The following RETREG3 variants were observed in gnomAD, a reference collection of about 807,000 sequenced individuals.
RETREG3 encodes reticulophagy regulator 3.
A neutral mutation model predicts 50.2 loss-of-function variants in RETREG3; 23 were observed. The ratio of observed to expected loss-of-function variants is 0.46; its 90% CI spans 0.33 to 0.65. The LOEUF (loss-of-function observed/expected upper bound fraction) is 0.65. Among genes scored for constraint, RETREG3 ranks in the 30% least tolerant of loss-of-function variants. The probability of loss-of-function intolerance (pLI) is 0.02; values close to 1 mark genes in which losing one functional copy is unlikely to be tolerated. For synonymous variants in RETREG3, 240 were observed against 234.4 expected (o/e 1.02, Z -0.22); for missense variants, 546 against 598.0 (o/e 0.91, Z 0.91).
At chr17:42,590,563 T>G (rs533217935) in intron 2 of RETREG3, among the ~76,000 whole-genome samples, 1 of 151,908 alleles carries the variant, frequency 6.6e-6, no homozygotes, top group Non-Finnish European at 1.5e-5. Flanking sequence ...TCCCAGCTGC[T>G]CAGGTGGCTA....
chr17:42,602,943 G>A (rs977850448), intron 1 of RETREG3, among the ~76,000 whole-genome samples: 3 of 150,750 alleles, frequency 2.0e-5, no homozygotes, highest in African/African-American at 2.4e-5. Flanking sequence ...CCTGTCCCCC[G>A]CCAAAAAAAA....
intron 1 of RETREG3, among the ~76,000 whole-genome samples, chr17:42,593,923 G>A (rs1024978556): frequency 1.3e-5 from 2 of 152,166 alleles, no homozygotes; most frequent in African/African-American, 2.4e-5. Context: ...AGGTGTGGTG[G>A]CTCATGCCTG....
intron 3 of RETREG3, 45 bp from the exon 4 acceptor site, chr17:42,586,936 G>A: frequency 6.2e-7 from 1 of 1,605,530 alleles, no homozygotes; most frequent in Non-Finnish European, 8.5e-7. Flanking sequence ...GGTGTTGAGG[G>A]TCCCCCCATC....
intron 2 of RETREG3, among the ~76,000 whole-genome samples, chr17:42,589,626 G>T (rs1160769730): frequency 2.0e-5 from 3 of 152,074 alleles, no homozygotes; most frequent in Non-Finnish European, 4.4e-5. Flanking sequence ...TAGAGACAAG[G>T]TTTCGCCACG....
intron 6 of RETREG3, among the ~76,000 whole-genome samples, chr17:42,584,027 C>T (rs774952235): frequency 2.0e-5 from 3 of 152,120 alleles, no homozygotes; most frequent in East Asian, 1.9e-4. Flanking sequence ...AAGCTGGTCT[C>T]GAACTCCTGA....
intron 1 of RETREG3, among the ~76,000 whole-genome samples, chr17:42,594,192 A>G (rs967106712): frequency 6.6e-6 from 1 of 152,176 alleles, no homozygotes; most frequent in African/African-American, 2.4e-5. Context: ...TCTGGTCTCA[A>G]AAAAACAAAT....
At chr17:42,596,078 A>T (rs1323149416) in intron 1 of RETREG3, among the ~76,000 whole-genome samples, 1 of 151,808 alleles carries the variant, frequency 6.6e-6, no homozygotes, top group Non-Finnish European at 1.5e-5. Flanking sequence ...GTTGCCGAAA[A>T]ATGTTTTCAG....
intron 5 of RETREG3, among the ~76,000 whole-genome samples, chr17:42,585,493 T>C (rs920849526): frequency 7.9e-5 from 12 of 152,222 alleles, no homozygotes; most frequent in African/African-American, 2.9e-4. Flanking sequence ...CAGCACAGTA[T>C]GCTGCTGACA....
At chr17:42,597,615 ATATATTTTTTTTTTTTTT>A (rs1444814930) in intron 1 of RETREG3, among the ~76,000 whole-genome samples, 2,286 of 21,466 alleles carry the variant, frequency 0.11, 102 homozygotes, top group African/African-American at 0.15. Context: ...ATATATATAT[ATATATTTTTTTTTTTTTT>A]TTTTTTTTTT....
chr17:42,607,449 G>A (rs1597745445), intron 1 of RETREG3, among the ~76,000 whole-genome samples: 2 of 141,254 alleles, frequency 1.4e-5, no homozygotes, highest in South Asian at 2.3e-4. Flanking sequence ...GCAATGAGCC[G>A]AGATCATACC....
chr17:42,587,050 G>T, intron 3 of RETREG3, 159 bp from the exon 4 acceptor site: 2 of 986,498 alleles, frequency 2.0e-6, no homozygotes, highest in Non-Finnish European at 2.9e-6. Flanking sequence ...TGGCTCACCA[G>T]GTTGAAATCT....
intron 1 of RETREG3, chr17:42,596,534 C>T (rs2093145432): frequency 6.6e-6 from 1 of 152,040 alleles, no homozygotes; most frequent in Non-Finnish European, 1.5e-5. Context: ...ATTCCTTACC[C>T]ATACCATCTC....
At position 42,583,564 on chromosome 17, in the gene RETREG3, G is replaced by C; in HGVS notation, c.744C>G (p.Leu248=). 1 of 1,613,738 alleles carries C rather than the reference G, an allele frequency of 6.2e-7. No homozygotes were observed. The highest frequency in any genetic ancestry group is 8.5e-7 in the Non-Finnish European group (1 of 1,179,766). Residue 248 remains leucine, a synonymous_variant, in exon 7 of 9, where the codon CTC becomes CTG. Transcript: ENST00000309428. ...QRERQLRRRA[L]HPERAMDNHS... is the part of the protein sequence containing the mutation. Reference sequence around the variant, plus strand: ...GGTTGTCCATGGCTCGTTCTGGGTGGAGAGCTCTGCGGCGTACTGTGGGAA... The same window carrying C: ...GGTTGTCCATGGCTCGTTCTGGGTGCAGAGCTCTGCGGCGTACTGTGGGAA...
At chr17:42,596,359 C>CAAAAAA (rs60457978) in intron 1 of RETREG3, among the ~76,000 whole-genome samples, 9 of 64,710 alleles carry the variant, frequency 1.4e-4, no homozygotes, top group Non-Finnish European at 2.1e-4. Flanking sequence ...GACCCTTTCT[C>CAAAAAA]AAAAAAAAAA....
chr17:42,581,918 C>G lies in RETREG3; in HGVS notation c.1296G>C (p.Arg432=). The change falls in exon 9 of 9, where the codon CGG becomes CGC. Residue 432 remains arginine (R), a synonymous_variant. Transcript: ENST00000309428. ...PAQRATRGFL[R]SPSSDLDTDA... ...CAGTGTCCAGGTCTGAACTGGGGGA[C>G]CGGAGGAAGCCTCTCGTTGCTCTCT... is the stretch of plus-strand genomic sequence containing the variant. The G allele has an allele frequency of 6.2e-7, 1 of 1,614,122 alleles. No homozygotes were observed. The highest frequency in any genetic ancestry group is 8.5e-7 in the Non-Finnish European group (1 of 1,180,026).
intron 2 of RETREG3, among the ~76,000 whole-genome samples, chr17:42,590,627 G>A (rs1252124301): frequency 6.6e-6 from 1 of 151,950 alleles, no homozygotes; most frequent in Non-Finnish European, 1.5e-5. Flanking sequence ...AGCCATGATT[G>A]CGCCACTGCA....
chr17:42,587,269 G>A (rs1002304496), intron 3 of RETREG3, among the ~76,000 whole-genome samples: 2 of 152,192 alleles, frequency 1.3e-5, no homozygotes, highest in East Asian at 1.9e-4. Flanking sequence ...TGCTGCTAAG[G>A]GGGAGGAAAT....
At chr17:42,604,615 A>C (rs892165961) in intron 1 of RETREG3, among the ~76,000 whole-genome samples, 1 of 146,818 alleles carries the variant, frequency 6.8e-6, no homozygotes, top group Non-Finnish European at 1.5e-5. Flanking sequence ...GGCTGCAGTG[A>C]GCTATGATTG....
At chr17:42,607,919 T>G (rs11651246) in intron 1 of RETREG3, among the ~76,000 whole-genome samples, 17,608 of 152,250 alleles carry the variant, frequency 0.12, 1,417 homozygotes, top group Admixed American at 0.17. Context: ...CAGAGACTAC[T>G]GTGACACCTT....
Sources: gnomAD v4.1 joint callset for allele counts (sites outside exome capture counted in the v4.1 genomes callset) on GRCh38, gnomAD v4.1.1 for gene constraint, MANE v1.5 for transcripts, NCBI Gene and HGNC (gene_info 2026-07-23, HGNC 2026-07-21) for gene names.